MRTFB: variants seen among roughly 807,000 people sequenced by gnomAD.
MRTFB encodes the protein myocardin related transcription factor B, also known as myocardin-related transcription factor B.
In MRTFB, 29 loss-of-function variants were observed where a neutral mutation model predicts 104.2. That is an observed-to-expected ratio of 0.28 (90% CI 0.21 to 0.38). The LOEUF is 0.38. MRTFB is among the 10% of genes least tolerant of loss of function. The pLI is 1.00. For missense variants in MRTFB, 1,270 were observed against 1,341.6 expected (o/e 0.95, Z 0.83); for synonymous variants, 535 against 519.5 (o/e 1.03, Z -0.41).
intron 2 of MRTFB, among the ~76,000 whole-genome samples, chr16:14,110,679 G>A (rs953372421): frequency 6.6e-6 from 1 of 152,080 alleles, no homozygotes; most frequent in Admixed American, 6.5e-5. Flanking sequence ...CAGTCACCAG[G>A]TTCTGTCCAT....
upstream of MRTFB, among the ~76,000 whole-genome samples, chr16:14,069,912 G>T (rs1238087779): frequency 1.3e-5 from 2 of 152,232 alleles, no homozygotes; most frequent in Non-Finnish European, 1.5e-5. Context: ...TGCCCAGCAG[G>T]TGTGATTTTC....
At chr16:14,103,754 G>A (rs1034501441) in intron 2 of MRTFB, among the ~76,000 whole-genome samples, 5 of 152,134 alleles carry the variant, frequency 3.3e-5, no homozygotes, top group South Asian at 2.1e-4. Context: ...TAATGCCTTC[G>A]TCCAAGTCAG....
chr16:14,116,209 G>A (rs2036535006), intron 2 of MRTFB, among the ~76,000 whole-genome samples: 2 of 151,132 alleles, frequency 1.3e-5, no homozygotes, highest in African/African-American at 4.9e-5. Flanking sequence ...CCATAGTCCT[G>A]CTTACCTATT....
rs1053857040 is a variant in MRTFB, at chr16:14,266,295, G to T, written c.*4851G>T. 6.6e-6 allele frequency: 1 copy of T among 152,000 alleles called. No individual in the cohort carries two copies. The highest frequency in any genetic ancestry group is 1.5e-5 in the Non-Finnish European group (1 of 67,982). The allele number at this position is 152,000 out of a possible 1,614,324, so 9.4% of individuals were successfully genotyped here. Reference sequence around the variant, plus strand: ...GAGTAACATTCAGTAGTAATACAAAGTTTTTTTTCTATGTAGAAATTAGTT... The same window carrying T: ...GAGTAACATTCAGTAGTAATACAAATTTTTTTTTCTATGTAGAAATTAGTT... On this transcript the variant is annotated 3_prime_UTR_variant, in exon 17 of 17. Coordinates refer to ENST00000571589, the MANE Select transcript of MRTFB (RefSeq NM_001308142.2).
the MRTFB span, among the ~76,000 whole-genome samples, chr16:14,021,531 GTA>G: frequency 6.6e-6 from 1 of 152,164 alleles, no homozygotes; most frequent in Non-Finnish European, 1.5e-5. Flanking sequence ...CAACCAAGCA[GTA>G]TACACTGCAC....
chr16:14,043,260 C>T, the MRTFB span, among the ~76,000 whole-genome samples: 5 of 152,162 alleles, frequency 3.3e-5, no homozygotes, highest in African/African-American at 1.2e-4. Context: ...TTGGAGGGGA[C>T]TTTGGGTTTT....
chr16:14,086,573 A>G (rs1419558490), intron 2 of MRTFB, among the ~76,000 whole-genome samples: 1 of 152,176 alleles, frequency 6.6e-6, no homozygotes. Flanking sequence ...AAACTCTCAT[A>G]TCTTTTTGTG....
chr16:14,029,692 G>T, the MRTFB span, among the ~76,000 whole-genome samples: 2 of 151,936 alleles, frequency 1.3e-5, no homozygotes, highest in African/African-American at 4.8e-5. Context: ...AGAATTTGCA[G>T]GTATTTTTAG....
At chr16:14,158,525 G>C (rs1277012723) in intron 3 of MRTFB, among the ~76,000 whole-genome samples, 2 of 152,184 alleles carry the variant, frequency 1.3e-5, no homozygotes, top group East Asian at 3.9e-4. Context: ...AAAGCTACCT[G>C]GTTTAGATGG....
chr16:14,108,186 G>A (rs1047206371), intron 2 of MRTFB, among the ~76,000 whole-genome samples: 3 of 152,192 alleles, frequency 2.0e-5, no homozygotes, highest in African/African-American at 7.2e-5. Flanking sequence ...GCTAGATGCT[G>A]TGAAGGAGTA....
chr16:14,061,516 T>A, the MRTFB span, among the ~76,000 whole-genome samples: 358 of 151,006 alleles, frequency 2.4e-3, 1 homozygote, highest in African/African-American at 8.2e-3. Context: ...ACAGCAAATA[T>A]GGAGCAGGAT....
At chr16:14,054,816 C>A in the MRTFB span, among the ~76,000 whole-genome samples, 1 of 152,186 alleles carries the variant, frequency 6.6e-6, no homozygotes, top group African/African-American at 2.4e-5. Flanking sequence ...AAGGGCCTTA[C>A]TTCTTATACC....
At chr16:14,004,694 G>GT in the MRTFB span, among the ~76,000 whole-genome samples, 6 of 152,366 alleles carry the variant, frequency 3.9e-5, no homozygotes, top group African/African-American at 1.4e-4. Context: ...CCCAGAGGGA[G>GT]TGAAGGAATG....
chr16:14,030,671 G>A, the MRTFB span, among the ~76,000 whole-genome samples: 6 of 152,122 alleles, frequency 3.9e-5, no homozygotes, highest in African/African-American at 1.2e-4. Context: ...CTTTACAGAC[G>A]AGGAAACAAA....
At chr16:14,244,674 A>C (rs73518945) in intron 10 of MRTFB, among the ~76,000 whole-genome samples, 21,602 of 152,046 alleles carry the variant, frequency 0.14, 2,638 homozygotes, top group African/African-American at 0.34. Flanking sequence ...TCTTTCACTT[A>C]TTTATTGACC....
chr16:14,196,785 T>C (rs1360380297), intron 3 of MRTFB, among the ~76,000 whole-genome samples: 2 of 152,160 alleles, frequency 1.3e-5, no homozygotes, highest in Non-Finnish European at 2.9e-5. Flanking sequence ...GCACAGCTTT[T>C]ACAGAACAAA....
In MRTFB at chr16:14,240,303, G is replaced by A; in HGVS notation, c.898G>A (p.Val300Ile). ...AAAGTGCAAAGATCCCAAACCACGG[G>A]TAAAGAAGTTAAAGTACCACCAATA... is the stretch of plus-strand genomic sequence containing the variant. ...SKKCKDPKPR[V>I]KKLKYHQYIP... The change falls in exon 10 of 17, where the codon GTA (valine) becomes ATA (isoleucine). Residue 300 changes from valine (V) to isoleucine (I), a missense_variant. By Grantham distance (29) the Val-to-Ile change is conservative. Around this residue, in one of 3 missense-constraint regions of MRTFB, gnomAD observed 1,144 missense variants for 1,131.5 expected, o/e 1.01. Transcript: ENST00000571589. 1 of 1,614,024 alleles carries A rather than the reference G, an allele frequency of 6.2e-7. No individual in the cohort carries two copies. The highest frequency in any genetic ancestry group is 1.7e-5 in the Admixed American group (1 of 60,006).
chr16:14,043,305 A>G, the MRTFB span, among the ~76,000 whole-genome samples: 1 of 152,128 alleles, frequency 6.6e-6, no homozygotes, highest in East Asian at 1.9e-4. Flanking sequence ...AGCATCATGC[A>G]TACATGTTAA....
At chr16:14,186,713 G>A (rs2039966426) in intron 3 of MRTFB, 4 of 1,403,756 alleles carry the variant, frequency 2.8e-6, no homozygotes, top group Admixed American at 3.2e-5. Flanking sequence ...CCAGCGGCAT[G>A]AGTGTATTTG....
Sources: gnomAD v4.1 joint callset for allele counts (sites outside exome capture counted in the v4.1 genomes callset) on GRCh38, gnomAD v4.1.1 for gene constraint, gnomAD v4.1.1 regional missense constraint, MANE v1.5 for transcripts, NCBI Gene and HGNC (gene_info 2026-07-23, HGNC 2026-07-21) for gene names.